The following MED13L variants were observed in gnomAD, a reference collection of about 807,000 sequenced individuals.
The protein encoded by MED13L is mediator complex subunit 13L, also known as mediator of RNA polymerase II transcription subunit 13-like.
In MED13L, 7 loss-of-function variants were observed where a neutral mutation model predicts 220.9. The observed-to-expected ratio is 0.03, with a 90% CI of 0.02 to 0.06. The LOEUF is 0.06. Among genes scored for constraint, MED13L ranks in the 10% least tolerant of loss-of-function variants. MED13L has a pLI of 1.00. For missense variants in MED13L, 1,965 were observed against 2,760.5 expected (o/e 0.71, Z 6.46); for synonymous variants, 1,011 against 1,015.2 (o/e 1.00, Z 0.08).
Position 116,008,633 on chromosome 12 carries a change from T to C in MED13L, c.1780A>G (p.Thr594Ala), listed in dbSNP as rs1301592130. ...GNGLELQQLS[T>A]LDDRTVLVGQ... ...ACGAGGACAGTTCTGTCATCCAGAG[T>C]AGACAACTGCTGGAGTTCTAGTCCA... Residue 594 changes from threonine to alanine, a missense_variant, in exon 10 of 31, where the codon ACT becomes GCT. By Grantham distance (58) the Thr-to-Ala change is moderately conservative. This residue lies in a region of MED13L where 818 missense variants were observed against 1,041.2 expected (regional missense o/e 0.79). Coordinates refer to ENST00000281928, the MANE Select transcript of MED13L (RefSeq NM_015335.5). The C allele has an allele frequency of 4.3e-6, 7 of 1,613,870 alleles. No individual in the cohort carries two copies. The South Asian group carries it at 5.5e-5, about 13-fold the overall frequency.
At chr12:116,160,427 A>G (rs1878767857) in intron 2 of MED13L, among the ~76,000 whole-genome samples, 1 of 152,132 alleles carries the variant, frequency 6.6e-6, no homozygotes, top group Admixed American at 6.6e-5. Flanking sequence ...AGAGCCCTGC[A>G]ATAGTCACCT....
intron 3 of MED13L, among the ~76,000 whole-genome samples, chr12:116,108,225 A>G (rs948320418): frequency 2.0e-5 from 3 of 152,208 alleles, no homozygotes; most frequent in Admixed American, 6.5e-5. Context: ...AAGACAGTAA[A>G]TAAATTCTCA....
chr12:116,149,594 A>C (rs1171720402), intron 2 of MED13L, among the ~76,000 whole-genome samples: 2 of 152,244 alleles, frequency 1.3e-5, no homozygotes, highest in African/African-American at 4.8e-5. Flanking sequence ...GTATTTGTGA[A>C]AGAAGAGTTT....
At chr12:115,975,021 AC>A (rs1353825638) in intron 25 of MED13L, 149 bp downstream of exon 25, 8 of 823,386 alleles carry the variant, frequency 9.7e-6, no homozygotes, top group Non-Finnish European at 1.3e-5. Context: ...AGAGTTTAAA[AC>A]TGGTTTATCC....
At chr12:116,093,592 T>C (rs1872422209) in intron 4 of MED13L, among the ~76,000 whole-genome samples, 1 of 151,960 alleles carries the variant, frequency 6.6e-6, no homozygotes, top group Non-Finnish European at 1.5e-5. Flanking sequence ...CAGTATTTTT[T>C]CACCATGATT....
At chr12:116,234,949 C>T (rs1869931571) in intron 2 of MED13L, among the ~76,000 whole-genome samples, 1 of 152,244 alleles carries the variant, frequency 6.6e-6, no homozygotes, top group South Asian at 2.1e-4. Context: ...CAGCGTGAGC[C>T]ACCATGCTCC....
At chr12:116,181,465 T>TAGTA (rs1230037031) in intron 2 of MED13L, among the ~76,000 whole-genome samples, 1 of 152,174 alleles carries the variant, frequency 6.6e-6, no homozygotes, top group Non-Finnish European at 1.5e-5. Flanking sequence ...ATAACACTCT[T>TAGTA]TACTATCATC....
intron 7 of MED13L, among the ~76,000 whole-genome samples, chr12:116,018,234 C>T (rs1879847206): frequency 6.6e-6 from 1 of 152,142 alleles, no homozygotes; most frequent in Non-Finnish European, 1.5e-5. Context: ...ACCTTGTAAA[C>T]GATATAGCCA....
At chr12:116,194,781 T>C (rs753466312) in intron 2 of MED13L, among the ~76,000 whole-genome samples, 2 of 152,178 alleles carry the variant, frequency 1.3e-5, no homozygotes, top group African/African-American at 4.8e-5. Context: ...CCAATCAAGA[T>C]GGCATCATAA....
intron 2 of MED13L, among the ~76,000 whole-genome samples, chr12:116,176,264 T>C (rs544100119): frequency 1.2e-3 from 179 of 152,310 alleles, no homozygotes; most frequent in Middle Eastern, 3.4e-3. Context: ...GACCATCCTT[T>C]ATACTGTTGT....
intron 1 of MED13L, among the ~76,000 whole-genome samples, chr12:116,263,230 A>G (rs2138564558): frequency 6.6e-6 from 1 of 152,242 alleles, no homozygotes; most frequent in East Asian, 1.9e-4. Flanking sequence ...TTACATCACA[A>G]CGCTTTCTGA....
chr12:116,230,321 A>G lies in MED13L; in HGVS notation c.310+7147T>C, dbSNP rs117807225. 4.1e-3 allele frequency: 805 copies of G among 194,848 alleles called. 5 individuals carry two copies. The highest frequency in any genetic ancestry group is 6.5e-3 in the Non-Finnish European group (696 of 107,150). The allele number at this position is 194,848 out of a possible 1,614,324, so 12.1% of individuals were successfully genotyped here. On this transcript the variant is annotated intron_variant, in intron 2 of 30. Coordinates refer to ENST00000281928, the MANE Select transcript of MED13L (RefSeq NM_015335.5). Reference sequence around the variant, plus strand: ...AGGCTGAGGCAGGAGAATCGCTTGAACCAGCGAGGCAGAGGCTGCCATGAG... The same window carrying G: ...AGGCTGAGGCAGGAGAATCGCTTGAGCCAGCGAGGCAGAGGCTGCCATGAG...
At chr12:116,063,233 A>G (rs889903436) in intron 4 of MED13L, among the ~76,000 whole-genome samples, 2 of 152,240 alleles carry the variant, frequency 1.3e-5, no homozygotes, top group African/African-American at 4.8e-5. Context: ...TAATACATAT[A>G]TAACTGGCTT....
At chr12:116,148,458 T>C (rs945833832) in intron 2 of MED13L, 4 of 238,382 alleles carry the variant, frequency 1.7e-5, no homozygotes, top group Non-Finnish European at 9.8e-6. Flanking sequence ...AAATTAAGTT[T>C]GAAAAACTTT....
chr12:116,067,035 G>A (rs886104303), intron 4 of MED13L, among the ~76,000 whole-genome samples: 1 of 151,906 alleles, frequency 6.6e-6, no homozygotes, highest in Non-Finnish European at 1.5e-5. Flanking sequence ...TTCTGCGAGT[G>A]GAAATAATTG....
chr12:116,247,946 C>T (rs952200348), intron 1 of MED13L, among the ~76,000 whole-genome samples: 45 of 152,126 alleles, frequency 3.0e-4, no homozygotes, highest in Non-Finnish European at 2.1e-4. Context: ...AAATCTTGAT[C>T]CTATTCAACA....
chr12:116,019,584 G>T (rs1382784240), intron 6 of MED13L, among the ~76,000 whole-genome samples, 172 bp from the exon 7 acceptor site: 1 of 152,166 alleles, frequency 6.6e-6, no homozygotes, highest in Non-Finnish European at 1.5e-5. Context: ...CCAACATGAT[G>T]ATAAGAGCAT....
In MED13L at chr12:115,975,623, A is replaced by G; in HGVS notation, c.5480T>C (p.Phe1827Ser). ...GTCGTGAGACAGACAATAGCCCACG[A>G]AGAGCACATTGTATTTCTGGCTCGC... Reference protein sequence around the residue: ...GEASQKYNVLFVGYCLSHDQR... With the variant: ...GEASQKYNVLSVGYCLSHDQR... The change falls in exon 24 of 31, where the codon TTC becomes TCC. Residue 1827 changes from phenylalanine to serine, a missense_variant. Physicochemically the swap from Phe to Ser is radical, Grantham distance 155. This residue lies in a region of MED13L where 510 missense variants were observed against 620.4 expected (regional missense o/e 0.82). Coordinates refer to ENST00000281928, the MANE Select transcript of MED13L (RefSeq NM_015335.5). The G allele has an allele frequency of 1.2e-6, 2 of 1,614,146 alleles. No homozygotes were observed. Among genetic ancestry groups the G allele is most frequent in the Non-Finnish European group, 1.7e-6 (2 of 1,180,020 alleles).
chr12:115,976,605 TTGAG>T (rs749946416), intron 23 of MED13L, among the ~76,000 whole-genome samples: 145 of 152,340 alleles, frequency 9.5e-4, no homozygotes, highest in South Asian at 1.7e-3. Context: ...ACACTTATGA[TTGAG>T]TACTTTTGAG....
Sources: gnomAD v4.1 joint callset for allele counts (sites outside exome capture counted in the v4.1 genomes callset) on GRCh38, gnomAD v4.1.1 for gene constraint, gnomAD v4.1.1 regional missense constraint, MANE v1.5 for transcripts, NCBI Gene and HGNC (gene_info 2026-07-23, HGNC 2026-07-21) for gene names.